The following SPIN1 variants were observed in gnomAD, a reference collection of about 807,000 sequenced individuals.
SPIN1 encodes the protein spindlin 1.
Under a neutral mutation model 26.0 loss-of-function variants are expected in SPIN1, and 3 were observed. The ratio of observed to expected loss-of-function variants is 0.12; its 90% CI spans 0.05 to 0.30. The LOEUF is 0.30. SPIN1 is among the 10% of genes least tolerant of loss of function. SPIN1 has a pLI of 1.00. For missense variants in SPIN1, 126 were observed against 333.4 expected (o/e 0.38, Z 4.84); for synonymous variants, 101 against 116.5 (o/e 0.87, Z 0.86).
chr9:88,390,023 G>A (rs1189323004), intron 1 of SPIN1, among the ~76,000 whole-genome samples: 3 of 152,056 alleles, frequency 2.0e-5, no homozygotes, highest in South Asian at 2.1e-4. Flanking sequence ...TATATATTAA[G>A]GTTGTAAAGA....
intron 1 of SPIN1, among the ~76,000 whole-genome samples, chr9:88,406,668 A>T (rs888425160): frequency 1.3e-5 from 2 of 152,040 alleles, no homozygotes; most frequent in Admixed American, 6.6e-5. Context: ...TTGACAAAGT[A>T]ACTGACGTTT....
chr9:88,408,463 C>T (rs1374889926), intron 1 of SPIN1, among the ~76,000 whole-genome samples: 3 of 150,656 alleles, frequency 2.0e-5, no homozygotes, highest in African/African-American at 4.9e-5. Flanking sequence ...CTGCAACCTC[C>T]GCCTCCTGGG....
At chr9:88,442,577 GT>G (rs1828158659) in intron 2 of SPIN1, among the ~76,000 whole-genome samples, 1 of 151,570 alleles carries the variant, frequency 6.6e-6, no homozygotes. Context: ...TAGAGATGGG[GT>G]TTCACCTTGT....
intron 1 of SPIN1, among the ~76,000 whole-genome samples, chr9:88,389,080 AC>A (rs1020436243): frequency 4.0e-5 from 6 of 151,766 alleles, no homozygotes; most frequent in African/African-American, 9.7e-5. Flanking sequence ...CCCTGGGGCC[AC>A]CCCTCCCAGG....
rs1439724038 is a variant in SPIN1, at chr9:88,388,462, G to A, written c.-235G>A. 3.4e-5 allele frequency: 5 copies of A among 148,026 alleles called. No individual in the cohort carries two copies. Among genetic ancestry groups the A allele is most frequent in the African/African-American group, 1.2e-4 (5 of 41,028 alleles). The allele number at this position is 148,026 out of a possible 1,614,324, so 9.2% of individuals were successfully genotyped here. On this transcript the variant is annotated 5_prime_UTR_variant, in exon 1 of 6. Transcript: ENST00000375859. ...GGGCGGGGAGGCGCCGTCTGGCTCA[G>A]GCTGGGGCCGGCGGGAGCGCGAACG...
intron 1 of SPIN1, among the ~76,000 whole-genome samples, chr9:88,414,906 A>G: frequency 6.6e-6 from 1 of 151,822 alleles, no homozygotes; most frequent in East Asian, 1.9e-4. Flanking sequence ...GTGTTTAATA[A>G]TTTTTTTTGT....
intron 1 of SPIN1, among the ~76,000 whole-genome samples, chr9:88,411,698 A>G (rs1166576143): frequency 2.6e-5 from 4 of 152,042 alleles, no homozygotes; most frequent in East Asian, 3.9e-4. Flanking sequence ...AATTTTTAGT[A>G]GAGATGAGAT....
chr9:88,441,421 G>GCGCGCGCGCGCA (rs1554695452), intron 2 of SPIN1, among the ~76,000 whole-genome samples: 1 of 149,462 alleles, frequency 6.7e-6, no homozygotes, highest in African/African-American at 2.5e-5. Flanking sequence ...GTGTGCGCGC[G>GCGCGCGCGCGCA]CGCGCGCCCA....
intron 1 of SPIN1, among the ~76,000 whole-genome samples, chr9:88,412,272 C>T (rs1423572863): frequency 6.6e-6 from 1 of 152,164 alleles, no homozygotes; most frequent in African/African-American, 2.4e-5. Context: ...ATTCCAAGCT[C>T]CTCTAATATC....
chr9:88,388,889 G>T (rs867797835), intron 1 of SPIN1, among the ~76,000 whole-genome samples: 1 of 151,082 alleles, frequency 6.6e-6, no homozygotes, highest in Non-Finnish European at 1.5e-5. Flanking sequence ...GAGCCGGGCG[G>T]GGAGGCCGGC....
At chr9:88,405,046 A>G (rs1235156042) in intron 1 of SPIN1, among the ~76,000 whole-genome samples, 4 of 152,044 alleles carry the variant, frequency 2.6e-5, no homozygotes, top group Admixed American at 2.0e-4. Flanking sequence ...GTCATCTATG[A>G]TAACAGTACT....
chr9:88,450,000 G>A (rs914440449), intron 3 of SPIN1, among the ~76,000 whole-genome samples: 2 of 152,138 alleles, frequency 1.3e-5, no homozygotes, highest in African/African-American at 4.8e-5. Context: ...AAATGTGTAC[G>A]TGATACATAA....
chr9:88,411,047 T>G (rs1587780502), intron 1 of SPIN1: 7 of 1,585,236 alleles, frequency 4.4e-6, no homozygotes, highest in Non-Finnish European at 6.0e-6. Context: ...ACTGCCTCGG[T>G]CAGTCATGAT....
chr9:88,475,304 G>T lies in SPIN1; in HGVS notation c.*27G>T. 1 of 1,601,036 alleles carries T rather than the reference G, an allele frequency of 6.2e-7. No homozygotes were observed. The highest frequency in any genetic ancestry group is 8.5e-7 in the Non-Finnish European group (1 of 1,169,942). Reference sequence around the variant, plus strand: ...TGTCATCACAAACTCTGCCAAATTTGTGGAACTATGAAATGTATTATTTGT... The same window carrying T: ...TGTCATCACAAACTCTGCCAAATTTTTGGAACTATGAAATGTATTATTTGT... On this transcript the variant is annotated 3_prime_UTR_variant, in exon 6 of 6. Transcript: ENST00000375859.
intron 1 of SPIN1, among the ~76,000 whole-genome samples, chr9:88,401,747 A>G (rs1049360550): frequency 2.0e-5 from 3 of 152,202 alleles, no homozygotes; most frequent in Admixed American, 6.5e-5. Flanking sequence ...ACTATATTAC[A>G]CAAAAAATGT....
chr9:88,426,692 A>G lies in SPIN1; in HGVS notation c.52+101A>G, dbSNP rs527261137. 3.2e-5 allele frequency: 33 copies of G among 1,036,088 alleles called. No homozygotes were observed. The African/African-American group carries it at 4.7e-4, about 15-fold the overall frequency. 64.2% of individuals were successfully genotyped at this position (1,036,088 alleles called of 1,614,324 possible). A position where few individuals can be genotyped will look rare whatever the true frequency, so the allele number is the denominator to read the frequency against. On this transcript the variant is annotated intron_variant, in intron 2 of 5. Coordinates refer to ENST00000375859, the MANE Select transcript of SPIN1 (RefSeq NM_006717.3). ...ACTTTCACATAATAGCTAGTGAAAAACTTTGTCATTTCTAGTATGTTATAC... is the reference window on the plus strand; with the variant it reads ...ACTTTCACATAATAGCTAGTGAAAAGCTTTGTCATTTCTAGTATGTTATAC...
At chr9:88,418,013 C>G (rs1587785741) in intron 1 of SPIN1, among the ~76,000 whole-genome samples, 1 of 152,224 alleles carries the variant, frequency 6.6e-6, no homozygotes, top group East Asian at 1.9e-4. Flanking sequence ...GCTCATCACC[C>G]TCACAGTACT....
At chr9:88,411,229 C>T in intron 1 of SPIN1, 1 of 1,150,504 alleles carries the variant, frequency 8.7e-7, no homozygotes, top group African/African-American at 1.5e-5. Context: ...TTCTGTTCAC[C>T]TTGTGTGGCC....
intron 5 of SPIN1, among the ~76,000 whole-genome samples, chr9:88,470,983 A>G (rs1020308559): frequency 2.0e-5 from 3 of 152,312 alleles, no homozygotes; most frequent in Admixed American, 6.5e-5. Flanking sequence ...TCATTATTGC[A>G]TTGTGACAAT....
Sources: allele counts gnomAD v4.1 joint callset (sites outside exome capture counted in the v4.1 genomes callset), GRCh38; gene constraint gnomAD v4.1.1; transcripts MANE v1.5; gene names NCBI Gene and HGNC (gene_info 2026-07-23, HGNC 2026-07-21).